Variants in ZNF185 observed in about 807,000 individuals in gnomAD.
The protein encoded by ZNF185 is zinc finger protein 185.
Under a neutral mutation model 58.6 loss-of-function variants are expected in ZNF185, and 56 were observed. That is an observed-to-expected ratio of 0.95 (90% CI 0.77 to 1.19). ZNF185 has a LOEUF of 1.19. ZNF185 is among the 50% of genes most tolerant of loss of function. The probability of loss-of-function intolerance (pLI) is 0.00; values close to 1 mark genes in which losing one functional copy is unlikely to be tolerated. For synonymous variants in ZNF185, 230 were observed against 215.9 expected (o/e 1.07, Z -0.57); for missense variants, 627 against 573.5 (o/e 1.09, Z -0.95).
At chrX:152,932,785 C>T in intron 13 of ZNF185, 88 bp from the exon 15 acceptor site, 1 of 649,214 alleles carries the variant, frequency 1.5e-6, no homozygotes, top group South Asian at 2.5e-5. Context: ...GCCTGTGCTT[C>T]TGGTCTTGAG....
At position 152,970,551 on chromosome X, in the gene ZNF185, G is replaced by A. The variant is rs2050576714; in HGVS notation, c.*10G>A. 1 of 1,203,741 alleles carries A rather than the reference G, an allele frequency of 8.3e-7. No homozygotes were observed. Among genetic ancestry groups the A allele is most frequent in the Non-Finnish European group, 1.1e-6 (1 of 888,775 alleles). On this transcript the variant is annotated intron_variant, in intron 22 of 22. Coordinates refer to ENST00000449285, the Ensembl canonical transcript of ZNF185. ...TGAGAAGCTCTTCTAGGTGGGTGCT[G>A]GCACTGCAAAGGACAAGTGGCCAAG...
chrX:152,956,474 T>A (rs781986378), intron 16 of ZNF185, among the ~76,000 whole-genome samples: 7 of 112,029 alleles, frequency 6.2e-5, no homozygotes, highest in Non-Finnish European at 1.3e-4. Flanking sequence ...CGCGGTGGCT[T>A]ACACCTGTAA....
intron 8 of ZNF185, 125 bp downstream of exon 9, chrX:152,920,536 T>G (rs1024948356): frequency 1.1e-6 from 1 of 908,121 alleles, no homozygotes; most frequent in Non-Finnish European, 1.5e-6. Flanking sequence ...AGCTGAGCCT[T>G]CTCAGATTCT....
intron 15 of ZNF185, among the ~76,000 whole-genome samples, chrX:152,938,818 A>T (rs1039663019): frequency 2.2e-4 from 20 of 92,035 alleles, no homozygotes; most frequent in Non-Finnish European, 3.4e-4. Context: ...TAGTGCTCCG[A>T]AGAAAACAGC....
At chrX:152,945,549 C>T in intron 16 of ZNF185, 85 bp downstream of exon 18, 1 of 1,016,492 alleles carries the variant, frequency 9.8e-7, no homozygotes. Flanking sequence ...CACTTCCCCA[C>T]ACCCTGTGCC....
Position 152,963,773 on chromosome X carries a change from C to T in ZNF185, c.1608-66C>T, listed in dbSNP as rs1406646029. 4.9e-6 allele frequency: 5 copies of T among 1,015,278 alleles called. No individual in the cohort carries two copies. In the East Asian group the frequency reaches 1.6e-4, roughly 32 times the overall value. The allele number at this position is 1,015,278 out of a possible 1,213,427, so 83.7% of individuals were successfully genotyped here. On this transcript the variant is annotated intron_variant, in intron 17 of 22. Transcript: ENST00000449285. Reference sequence around the variant, plus strand: ...GCTCAAGGGTTAGGCTCAGAAAAGCCTGTTTGACCCTGGAAGGTGTCAGCT... The same window carrying T: ...GCTCAAGGGTTAGGCTCAGAAAAGCTTGTTTGACCCTGGAAGGTGTCAGCT...
upstream of ZNF185, among the ~76,000 whole-genome samples, chrX:152,913,506 GCA>G (rs1937663434): frequency 8.9e-6 from 1 of 112,791 alleles, no homozygotes; most frequent in Non-Finnish European, 1.9e-5. Context: ...AGCATGAGCA[GCA>G]CCGGGCTCAG....
intron 8 of ZNF185, 126 bp from the exon 10 acceptor site, chrX:152,920,581 G>A (rs1232645511): frequency 2.0e-6 from 2 of 1,011,158 alleles, no homozygotes; most frequent in Non-Finnish European, 2.8e-6. Context: ...GAGGTCTGGC[G>A]GCTACCACCA....
intron 14 of ZNF185, among the ~76,000 whole-genome samples, chrX:152,934,732 A>G (rs782636299): frequency 1.8e-5 from 2 of 112,390 alleles, no homozygotes; most frequent in African/African-American, 6.5e-5. Context: ...TTGTTTAGGG[A>G]ATGATGACAG....
rs377541135 is a variant in ZNF185, at chrX:152,918,965, G to A, written c.432-18G>A. ...GGGTGGCAGCCTATGACAGGAAAGCGCCTCTCCCCTCTCTTAGGGCACCCT... is the reference window on the plus strand; with the variant it reads ...GGGTGGCAGCCTATGACAGGAAAGCACCTCTCCCCTCTCTTAGGGCACCCT... On this transcript the variant is annotated intron_variant, in intron 6 of 22. Coordinates refer to ENST00000449285, the Ensembl canonical transcript of ZNF185. 4.8e-5 allele frequency: 56 copies of A among 1,177,494 alleles called. No homozygotes were observed. The highest frequency in any genetic ancestry group is 5.6e-5 in the Non-Finnish European group (49 of 868,605).
intron 14 of ZNF185, chrX:152,936,507 C>T (rs1347521062): frequency 4.3e-6 from 5 of 1,165,605 alleles, no homozygotes; most frequent in South Asian, 1.9e-5. Context: ...AGACCAGCAG[C>T]CATCAGGTAA....
At chrX:152,944,676 T>A (rs1316316701) in intron 15 of ZNF185, among the ~76,000 whole-genome samples, 2 of 112,447 alleles carry the variant, frequency 1.8e-5, no homozygotes, top group Non-Finnish European at 3.8e-5. Flanking sequence ...AGCCCTGTCC[T>A]TCTTGCTGGA....
intron 14 of ZNF185, 109 bp from the exon 16 acceptor site, chrX:152,936,309 G>C: frequency 1.6e-6 from 1 of 612,655 alleles, no homozygotes; most frequent in South Asian, 2.9e-5. Flanking sequence ...CATTTGAGCA[G>C]CTTCTTGGTC....
chrX:152,931,550 A>C (rs1941977669), intron 12 of ZNF185, 122 bp from the exon 14 acceptor site: 3 of 550,476 alleles, frequency 5.4e-6, no homozygotes, highest in Non-Finnish European at 8.6e-6. Flanking sequence ...GAGCCACTGC[A>C]CCCGGCCCAG....
chrX:152,939,776 GT>G (rs57118182), intron 15 of ZNF185, among the ~76,000 whole-genome samples: 807 of 49,820 alleles, frequency 0.016, 3 homozygotes, highest in African/African-American at 0.061. Flanking sequence ...AATCAGAGGT[GT>G]TTTTTTTTTT....
intron 14 of ZNF185, 65 bp downstream of exon 15, chrX:152,933,036 G>A: frequency 1.3e-6 from 1 of 781,276 alleles, no homozygotes; most frequent in South Asian, 2.6e-5. Context: ...CAAGCTGCCA[G>A]GCTGCTTGGG....
At chrX:152,944,930 G>T (rs896667407) in intron 15 of ZNF185, among the ~76,000 whole-genome samples, 14 of 112,975 alleles carry the variant, frequency 1.2e-4, no homozygotes, top group Non-Finnish European at 1.9e-5. Context: ...GGAGGCAGAG[G>T]TTGCAGTGAG....
At chrX:152,965,367 C>T in intron 18 of ZNF185, 80 bp from the exon 21 acceptor site, 1 of 987,432 alleles carries the variant, frequency 1.0e-6, no homozygotes, top group Non-Finnish European at 1.4e-6. Flanking sequence ...CTCCCCAGCC[C>T]TGAACCACTC....
At chrX:152,909,990 C>T (rs781979161), upstream of ZNF185, among the ~76,000 whole-genome samples, 1 of 107,647 alleles carries the variant, frequency 9.3e-6, no homozygotes, top group African/African-American at 3.4e-5. Flanking sequence ...TCACTGCAAC[C>T]TCCGCCTCCC....
Sources: gnomAD v4.1 joint callset for allele counts (sites outside exome capture counted in the v4.1 genomes callset) on GRCh38, gnomAD v4.1.1 for gene constraint, MANE v1.5 for transcripts, NCBI Gene and HGNC (gene_info 2026-07-23, HGNC 2026-07-21) for gene names.